The following SCD5 variants were observed in gnomAD, a reference collection of about 807,000 sequenced individuals.
The protein encoded by SCD5 is stearoyl-CoA desaturase 5.
Under a neutral mutation model 30.4 loss-of-function variants are expected in SCD5, and 20 were observed. The observed-to-expected ratio is 0.66, with a 90% CI of 0.46 to 0.96. SCD5 has a LOEUF of 0.96. Among genes scored for constraint, SCD5 ranks in the 40% least tolerant of loss-of-function variants. The pLI is 0.00. For synonymous variants in SCD5, 173 were observed against 176.4 expected (o/e 0.98, Z 0.16); for missense variants, 381 against 443.3 (o/e 0.86, Z 1.26).
At chr4:82,725,128 TA>T (rs1365833350) in intron 1 of SCD5, among the ~76,000 whole-genome samples, 2 of 152,108 alleles carry the variant, frequency 1.3e-5, no homozygotes, top group South Asian at 2.1e-4. Context: ...AGTTCCAGAG[TA>T]AGGAGTTTTC....
intron 1 of SCD5, among the ~76,000 whole-genome samples, chr4:82,737,249 A>T (rs1402654782): frequency 6.6e-6 from 1 of 152,224 alleles, no homozygotes; most frequent in Non-Finnish European, 1.5e-5. Flanking sequence ...TATAATTACT[A>T]AGGAGGCTGA....
chr4:82,718,781 A>G (rs918998259), intron 1 of SCD5, among the ~76,000 whole-genome samples: 2 of 151,676 alleles, frequency 1.3e-5, no homozygotes, highest in Non-Finnish European at 2.9e-5. Context: ...TTCTTGCCAA[A>G]TCGCTTTAAG....
At chr4:82,715,471 T>G (rs1052385903) in intron 1 of SCD5, among the ~76,000 whole-genome samples, 3 of 151,314 alleles carry the variant, frequency 2.0e-5, no homozygotes, top group Non-Finnish European at 1.5e-5. Flanking sequence ...AGAGCCTAGA[T>G]TAGGAACTGG....
At chr4:82,731,370 G>A (rs1162893319) in intron 1 of SCD5, among the ~76,000 whole-genome samples, 1 of 152,210 alleles carries the variant, frequency 6.6e-6, no homozygotes, top group Non-Finnish European at 1.5e-5. Context: ...CACTTGAAGA[G>A]AGCACTGGCT....
At chr4:82,733,190 G>A (rs1233158598) in intron 1 of SCD5, among the ~76,000 whole-genome samples, 2 of 152,106 alleles carry the variant, frequency 1.3e-5, no homozygotes, top group South Asian at 4.1e-4. Context: ...CAGGAAAACA[G>A]GTCAGGCTCT....
intron 3 of SCD5, among the ~76,000 whole-genome samples, chr4:82,638,156 C>T (rs1727470773): frequency 6.6e-6 from 1 of 152,120 alleles, no homozygotes; most frequent in East Asian, 1.9e-4. Context: ...CCATCCATGT[C>T]CCTGCAAAGG....
chr4:82,637,835 G>C (rs890954785), intron 3 of SCD5, among the ~76,000 whole-genome samples: 1 of 152,168 alleles, frequency 6.6e-6, no homozygotes, highest in African/African-American at 2.4e-5. Context: ...TGTTGAACAT[G>C]CCTCTTTTTT....
chr4:82,713,121 C>T (rs141517424), intron 1 of SCD5, among the ~76,000 whole-genome samples: 22 of 152,306 alleles, frequency 1.4e-4, no homozygotes, highest in African/African-American at 5.1e-4. Context: ...GTTCTCTCAT[C>T]CCACAGCATG....
intron 3 of SCD5, among the ~76,000 whole-genome samples, chr4:82,672,559 C>A (rs927209361): frequency 2.0e-5 from 3 of 152,010 alleles, no homozygotes; most frequent in African/African-American, 7.2e-5. Context: ...AATACCCTTG[C>A]AAAATAGAAC....
intron 3 of SCD5, among the ~76,000 whole-genome samples, chr4:82,674,882 C>T (rs7676588): frequency 0.6 from 91,801 of 151,976 alleles, 28,882 homozygotes; most frequent in Non-Finnish European, 0.71. Context: ...GAGAAGGCTA[C>T]ATACAGTATG....
intron 3 of SCD5, among the ~76,000 whole-genome samples, chr4:82,641,116 G>A (rs1454148758): frequency 6.6e-6 from 1 of 152,028 alleles, no homozygotes; most frequent in African/African-American, 2.4e-5. Flanking sequence ...AAGGCCGGGC[G>A]TGGTGGCTCA....
intron 4 of SCD5, among the ~76,000 whole-genome samples, chr4:82,634,490 C>G (rs1163145126): frequency 7.8e-5 from 10 of 128,328 alleles, no homozygotes; most frequent in Non-Finnish European, 1.4e-4. Flanking sequence ...CCACCTCCCC[C>G]CCCCATCATT....
intron 3 of SCD5, among the ~76,000 whole-genome samples, chr4:82,654,659 G>A (rs994608): frequency 0.68 from 103,595 of 152,082 alleles, 35,711 homozygotes; most frequent in Admixed American, 0.77. Flanking sequence ...CAGCATGCCC[G>A]TGGGCAACAA....
At chr4:82,751,602 C>A (rs541245645) in intron 1 of SCD5, among the ~76,000 whole-genome samples, 84 of 152,030 alleles carry the variant, frequency 5.5e-4, no homozygotes, top group African/African-American at 1.8e-3. Context: ...ACTTTAAAAT[C>A]TTTTGAATCT....
At chr4:82,631,968 T>C (rs1727304876) in intron 4 of SCD5, among the ~76,000 whole-genome samples, 1 of 152,196 alleles carries the variant, frequency 6.6e-6, no homozygotes, top group South Asian at 2.1e-4. Context: ...AATGTACTTA[T>C]ATATTATTCT....
chr4:82,777,334 G>A (rs927455019), intron 1 of SCD5, among the ~76,000 whole-genome samples: 1 of 152,202 alleles, frequency 6.6e-6, no homozygotes, highest in Non-Finnish European at 1.5e-5. Flanking sequence ...GCCAAGAATT[G>A]AGCAAAGTAT....
chr4:82,748,693 A>C (rs1159588571), intron 1 of SCD5, among the ~76,000 whole-genome samples: 3 of 152,222 alleles, frequency 2.0e-5, no homozygotes, highest in Non-Finnish European at 4.4e-5. Context: ...AAATGGTACA[A>C]GTGAGTTTAC....
At chr4:82,637,124 T>C (rs539332391) in intron 3 of SCD5, among the ~76,000 whole-genome samples, 2 of 152,326 alleles carry the variant, frequency 1.3e-5, no homozygotes, top group East Asian at 3.9e-4. Flanking sequence ...GGCCAACCCA[T>C]ATATCTTAGA....
At chr4:82,787,166 A>G (rs939721296) in intron 1 of SCD5, among the ~76,000 whole-genome samples, 2 of 152,202 alleles carry the variant, frequency 1.3e-5, no homozygotes, top group African/African-American at 4.8e-5. Flanking sequence ...GAGAACAGAA[A>G]TCCTGTTAGG....
Sources: gnomAD v4.1 joint callset for allele counts (sites outside exome capture counted in the v4.1 genomes callset) on GRCh38, gnomAD v4.1.1 for gene constraint, MANE v1.5 for transcripts, NCBI Gene and HGNC (gene_info 2026-07-23, HGNC 2026-07-21) for gene names.